SELP: variants seen among roughly 807,000 people sequenced by gnomAD.
The protein encoded by SELP is selectin P.
SELP carries 92 observed loss-of-function variants against 104.1 expected under a neutral mutation model. The ratio of observed to expected loss-of-function variants is 0.88; its 90% CI spans 0.75 to 1.05. SELP has a LOEUF of 1.05. SELP is among the 50% of genes least tolerant of loss of function. SELP has a pLI of 0.00. For missense variants in SELP, 1,022 were observed against 1,017.3 expected, an observed-to-expected ratio of 1.00 and a Z score of -0.06; for synonymous variants, 397 against 364.5, an observed-to-expected ratio of 1.09 and a Z score of -1.01.
chr1:169,613,605 A>G lies in SELP; in HGVS notation c.570T>C (p.Tyr190=). The stretch of plus-strand genomic sequence containing the variant: ...CCTCACCGTATTCACATTCTGGCCC[A>G]TAGAATCCAGGGTAACAGGAGCAGG... ...NYTCSCYPGF[Y]GPECEYVREC... Residue 190 remains tyrosine, a synonymous_variant, in exon 4 of 17, where the codon TAT becomes TAC. Transcript: ENST00000263686. 1 of 1,613,908 alleles carries G rather than the reference A, an allele frequency of 6.2e-7. No individual in the cohort carries two copies.
chr1:169,602,171 T>TCA (rs770347476), intron 10 of SELP, among the ~76,000 whole-genome samples: 3 of 152,304 alleles, frequency 2.0e-5, no homozygotes, highest in Non-Finnish European at 4.4e-5. Flanking sequence ...CAGATATTTG[T>TCA]CACACACACC....
At chr1:169,591,566 G>A in intron 14 of SELP, 110 bp from the exon 15 acceptor site, 2 of 672,004 alleles carry the variant, frequency 3.0e-6, no homozygotes, top group East Asian at 5.9e-5. Flanking sequence ...CTGATTTTCA[G>A]GAGGGCTCAT....
In SELP at chr1:169,613,012, G is replaced by A. The variant is rs1662623792; in HGVS notation, c.692C>T (p.Thr231Ile). 6.2e-7 allele frequency: 1 copy of A among 1,613,832 alleles called. No individual in the cohort carries two copies. The highest frequency in any genetic ancestry group is 8.5e-7 in the Non-Finnish European group (1 of 1,179,886). The change falls in exon 5 of 17, where the codon ACT (threonine) becomes ATT (isoleucine). Residue 231 changes from threonine (T) to isoleucine (I), a missense_variant. Physicochemically the swap from Thr to Ile is moderately conservative, Grantham distance 89 (BLOSUM62 -1). Transcript: ENST00000263686. ...GGGCCCATTTACTTGGTACCCGTCA[G>A]TGCAGTGGAAGCTGCACTGCGAGTT... ...SFNSQCSFHC[T>I]DGYQVNGPSK...
At chr1:169,590,635 A>G (rs1196164357) in intron 15 of SELP, among the ~76,000 whole-genome samples, 1 of 152,158 alleles carries the variant, frequency 6.6e-6, no homozygotes, top group Non-Finnish European at 1.5e-5. Context: ...CTGGATGTCT[A>G]CGACAATAGA....
intron 5 of SELP, 79 bp downstream of exon 5, chr1:169,612,850 T>TA: frequency 8.1e-7 from 1 of 1,238,508 alleles, no homozygotes; most frequent in South Asian, 1.8e-5. Flanking sequence ...TCACATTTTT[T>TA]AATGGAGAAA....
At chr1:169,595,720 T>C (rs1661571822) in intron 12 of SELP, among the ~76,000 whole-genome samples, 1 of 152,212 alleles carries the variant, frequency 6.6e-6, no homozygotes, top group Non-Finnish European at 1.5e-5. Context: ...ACTTGTGTAT[T>C]AGCTTTAGCT....
chr1:169,592,306 G>A (rs1661390133), intron 14 of SELP, among the ~76,000 whole-genome samples: 1 of 152,210 alleles, frequency 6.6e-6, no homozygotes, highest in South Asian at 2.1e-4. Flanking sequence ...CAATGTTTTG[G>A]TAGCATTGTA....
chr1:169,595,376 A>T (rs1404065029), intron 12 of SELP, among the ~76,000 whole-genome samples: 2 of 152,212 alleles, frequency 1.3e-5, no homozygotes, highest in African/African-American at 2.4e-5. Context: ...ATAGGAAATT[A>T]AAGGTCAAGA....
intron 7 of SELP, 56 bp downstream of exon 7, chr1:169,611,436 T>G: frequency 6.4e-7 from 1 of 1,574,158 alleles, no homozygotes; most frequent in East Asian, 2.2e-5. Flanking sequence ...TTGGCCTCTC[T>G]ACCATGCCAT....
At position 169,617,239 on chromosome 1, in the gene SELP, G is replaced by A. The variant is rs778317680; in HGVS notation, c.270C>T (p.Tyr90=). The A allele has an allele frequency of 8.1e-6, 13 of 1,614,058 alleles. No individual in the cohort carries two copies. Among genetic ancestry groups the A allele is most frequent in the African/African-American group, 4.0e-5 (3 of 74,918 alleles). The change falls in exon 3 of 17, where the codon TAC becomes TAT. Residue 90 remains tyrosine (Y), a synonymous_variant. Coordinates refer to ENST00000263686, the MANE Select transcript of SELP (RefSeq NM_003005.4). ...TATTGTTCTTTCGGATCCCAATCCA[G>A]TAGTAGGAGCTGTAGTAGGGTAGGA... ...NKVLPYYSSY[Y]WIGIRKNNKT...
chr1:169,593,955 T>G (rs1661469614), intron 13 of SELP, among the ~76,000 whole-genome samples: 1 of 152,174 alleles, frequency 6.6e-6, no homozygotes, highest in Non-Finnish European at 1.5e-5. Flanking sequence ...AAATATAGAC[T>G]GTAATTTCCA....
At position 169,612,936 on chromosome 1, in the gene SELP, C is replaced by T. The variant is rs1437421610; in HGVS notation, c.768G>A (p.Gln256=). 6.2e-7 allele frequency: 1 copy of T among 1,610,108 alleles called. No homozygotes were observed. The highest frequency in any genetic ancestry group is 1.3e-5 in the African/African-American group (1 of 74,748). ...AGAATAAGGTCTACATACCTAAACA[C>T]TGTGGAGGCTTATTTGTCCAGATTC... ...ASGIWTNKPP[Q]CLAAQCPPLK... The change falls in exon 5 of 17, where the codon CAG becomes CAA. Residue 256 remains glutamine, a synonymous_variant. Transcript: ENST00000263686.
chr1:169,608,216 C>A (rs895192714), intron 8 of SELP, among the ~76,000 whole-genome samples: 8 of 150,510 alleles, frequency 5.3e-5, no homozygotes, highest in Admixed American at 5.3e-4. Flanking sequence ...TTTAATTTAC[C>A]ATTTACCATG....
intron 1 of SELP, among the ~76,000 whole-genome samples, chr1:169,619,567 T>C (rs1377877469): frequency 1.3e-5 from 2 of 152,214 alleles, no homozygotes; most frequent in African/African-American, 4.8e-5. Context: ...TAAAACAATC[T>C]TTTTAAGAAG....
At chr1:169,624,832 C>T (rs1055768317) in intron 1 of SELP, among the ~76,000 whole-genome samples, 3 of 152,132 alleles carry the variant, frequency 2.0e-5, no homozygotes, top group African/African-American at 4.8e-5. Context: ...ATGCCTTGAC[C>T]TAACTTTTCA....
rs551296857 is a variant in SELP, at chr1:169,621,110, T to C, written c.4-1891A>G. On this transcript the variant is annotated intron_variant, in intron 1 of 16. Coordinates refer to ENST00000263686, the MANE Select transcript of SELP (RefSeq NM_003005.4). The stretch of plus-strand genomic sequence containing the variant: ...GTGTGGAGTTGTGTGTGTGTGTGTG[T>C]GTGTGTGTGTCACACCCCAGTGATG... 3.1e-3 allele frequency among the ~76,000 whole-genome samples: 458 copies of C among 148,504 alleles called. 3 individuals are homozygous for C. Among genetic ancestry groups the C allele is most frequent in the Non-Finnish European group, 5.0e-3 (338 of 67,236 alleles).
intron 10 of SELP, among the ~76,000 whole-genome samples, chr1:169,600,086 A>G (rs755547731): frequency 6.6e-6 from 1 of 152,132 alleles, no homozygotes; most frequent in Non-Finnish European, 1.5e-5. Context: ...TGGCACAAGA[A>G]CCTCAAGCAC....
intron 1 of SELP, among the ~76,000 whole-genome samples, chr1:169,628,392 G>A (rs1475524914): frequency 6.6e-6 from 1 of 152,240 alleles, no homozygotes; most frequent in Non-Finnish European, 1.5e-5. Flanking sequence ...TGAGGTTTCT[G>A]AATCTTTGGG....
chr1:169,611,450 T>A (rs1204913627), intron 7 of SELP, 42 bp downstream of exon 7: 2 of 1,595,902 alleles, frequency 1.3e-6, no homozygotes, highest in East Asian at 4.5e-5. Flanking sequence ...ATGCCATGAT[T>A]CCTTCTTGGA....
Sources: allele counts gnomAD v4.1 joint callset (sites outside exome capture counted in the v4.1 genomes callset), GRCh38; gene constraint gnomAD v4.1.1; transcripts MANE v1.5; gene names NCBI Gene and HGNC (gene_info 2026-07-23, HGNC 2026-07-21).